Variants in HELB observed in about 807,000 individuals in gnomAD.
HELB encodes the protein DNA helicase B.
In HELB, 96 loss-of-function variants were observed where a neutral mutation model predicts 101.7. The ratio of observed to expected loss-of-function variants is 0.94; its 90% CI spans 0.80 to 1.12. HELB has a LOEUF of 1.12. Among genes scored for constraint, HELB ranks in the 50% most tolerant of loss-of-function variants. The pLI, the probability that HELB is intolerant of heterozygous loss-of-function variation, is 0.00. For missense variants in HELB, 1,210 were observed against 1,291.9 expected (o/e 0.94, Z 0.97); for synonymous variants, 437 against 459.7 (o/e 0.95, Z 0.63).
chr12:66,314,685 T>C (rs2053581747), intron 5 of HELB, among the ~76,000 whole-genome samples: 1 of 152,132 alleles, frequency 6.6e-6, no homozygotes, highest in South Asian at 2.1e-4. Context: ...TAAAAATTAT[T>C]ATTTTTTTAG....
Position 66,302,545 on chromosome 12 carries a change from C to A in HELB, c.-59C>A. The A allele has an allele frequency of 6.6e-7, 1 of 1,517,166 alleles. No homozygotes were observed. Among genetic ancestry groups the A allele is most frequent in the Non-Finnish European group, 9.1e-7 (1 of 1,099,712 alleles). The allele number at this position is 1,517,166 out of a possible 1,614,324, so 94.0% of individuals were successfully genotyped here. A position where few individuals can be genotyped will look rare whatever the true frequency, so the allele number is the denominator to read the frequency against. On this transcript the variant is annotated 5_prime_UTR_variant, in exon 1 of 13. Transcript: ENST00000247815. Reference sequence around the variant, plus strand: ...ACAGTCGTAGAACTGATTGGCTGATCATGACCATGCAGTTAGCCAGGGTTT... The same window carrying A: ...ACAGTCGTAGAACTGATTGGCTGATAATGACCATGCAGTTAGCCAGGGTTT...
chr12:66,325,881 T>C (rs1447215001), intron 11 of HELB, among the ~76,000 whole-genome samples: 2 of 151,564 alleles, frequency 1.3e-5, no homozygotes, highest in South Asian at 2.1e-4. Context: ...CCCCAACTTA[T>C]GTGGGAATAT....
Position 66,331,480 on chromosome 12 carries a change from C to A in HELB, c.2997C>A (p.Thr999=). The change falls in exon 12 of 13, where the codon ACC becomes ACA. Residue 999 remains threonine (T), a synonymous_variant. Coordinates refer to ENST00000247815, the MANE Select transcript of HELB (RefSeq NM_001370285.1). ...VTDHAMTNDV[T]WSEASSPDER... ...ACCACGCCATGACAAATGATGTCACCTGGAGCGAGGCCTCTTCGCCTGATG... is the reference window on the plus strand; with the variant it reads ...ACCACGCCATGACAAATGATGTCACATGGAGCGAGGCCTCTTCGCCTGATG... 1 of 1,614,200 alleles carries A rather than the reference C, an allele frequency of 6.2e-7. No homozygotes were observed. The highest frequency in any genetic ancestry group is 1.1e-5 in the South Asian group (1 of 91,080).
chr12:66,325,895 TAG>T (rs1206506693), intron 11 of HELB, among the ~76,000 whole-genome samples: 2 of 152,084 alleles, frequency 1.3e-5, no homozygotes, highest in African/African-American at 4.8e-5. Flanking sequence ...GGAATATTGT[TAG>T]GTTTACAGAA....
At chr12:66,316,890 G>A (rs2053612476) in intron 6 of HELB, among the ~76,000 whole-genome samples, 2 of 151,974 alleles carry the variant, frequency 1.3e-5, no homozygotes, top group African/African-American at 4.8e-5. Context: ...TTGGTGGCGG[G>A]CGCCTGTAGT....
At chr12:66,333,670 G>A (rs2053833988) in intron 12 of HELB, among the ~76,000 whole-genome samples, 1 of 152,074 alleles carries the variant, frequency 6.6e-6, no homozygotes, top group African/African-American at 2.4e-5. Flanking sequence ...GGCAACAAGA[G>A]CAAAACTCTA....
Position 66,304,716 on chromosome 12 carries a change from T to C in HELB, c.188-15T>C. 1 of 1,568,726 alleles carries C rather than the reference T, an allele frequency of 6.4e-7. No individual in the cohort carries two copies. The highest frequency in any genetic ancestry group is 1.4e-5 in the African/African-American group (1 of 71,772). On this transcript the variant is annotated splice_polypyrimidine_tract_variant and intron_variant, in intron 1 of 12. Coordinates refer to ENST00000247815, the MANE Select transcript of HELB (RefSeq NM_001370285.1). ...CAGAGTTAACTTTTGTGGGTTTTTGTTTGTTTTTTTTTAGTTTCTATTTGT... is the reference window on the plus strand; with the variant it reads ...CAGAGTTAACTTTTGTGGGTTTTTGCTTGTTTTTTTTTAGTTTCTATTTGT...
At position 66,318,653 on chromosome 12, in the gene HELB, A is replaced by G. The variant is rs202040036; in HGVS notation, c.2016A>G (p.Gln672=). Residue 672 remains glutamine, a synonymous_variant, in exon 7 of 13, where the codon CAA becomes CAG. Coordinates refer to ENST00000247815, the MANE Select transcript of HELB (RefSeq NM_001370285.1). ...TTTATTCAAGAATCTCAAGACGCCA[A>G]TTTCCAAAATTTGATGCAGAACTAA... The part of the protein sequence containing the change: ...VDNATRISRR[Q]FPKFDAELNI... The G allele has an allele frequency of 7.5e-6, 12 of 1,593,930 alleles. No individual in the cohort carries two copies. Among genetic ancestry groups the G allele is most frequent in the East Asian group, 6.7e-5 (3 of 44,526 alleles).
intron 4 of HELB, among the ~76,000 whole-genome samples, chr12:66,313,183 G>A (rs1372719192): frequency 7.0e-6 from 1 of 143,350 alleles, no homozygotes; most frequent in East Asian, 2.0e-4. Context: ...TTAATAGACA[G>A]TTGAATCTAG....
In HELB at chr12:66,304,734, C is replaced by T. The variant is rs746474668; in HGVS notation, c.191C>T (p.Ser64Phe). 3.8e-6 allele frequency: 6 copies of T among 1,577,124 alleles called. No individual in the cohort carries two copies. Among genetic ancestry groups the T allele is most frequent in the Admixed American group, 2.0e-5 (1 of 51,194 alleles). Residue 64 changes from serine to phenylalanine, a missense_variant, in exon 2 of 13, where the codon TCT becomes TTT. Around this residue, in one of 2 missense-constraint regions of HELB, gnomAD observed 470 missense variants for 563.1 expected, o/e 0.83. Coordinates refer to ENST00000247815, the MANE Select transcript of HELB (RefSeq NM_001370285.1). ...GTTTTTGTTTGTTTTTTTTTAGTTT[C>T]TATTTGTGATGAAAACACACAAGAG... ...AGSLPGCLRVSICDENTQETC... is the reference protein window; with the variant it reads ...AGSLPGCLRVFICDENTQETC...
At chr12:66,328,101 C>T (rs928651673) in intron 11 of HELB, among the ~76,000 whole-genome samples, 2 of 151,956 alleles carry the variant, frequency 1.3e-5, no homozygotes, top group Admixed American at 1.3e-4. Context: ...GGAAATGAGA[C>T]AGGAAAATTA....
chr12:66,329,151 A>C (rs1055446518), intron 11 of HELB, among the ~76,000 whole-genome samples: 2 of 152,212 alleles, frequency 1.3e-5, no homozygotes, highest in African/African-American at 4.8e-5. Context: ...AGCAATGAGG[A>C]AATTATTTAT....
At chr12:66,315,156 A>C in intron 5 of HELB, 86 bp from the exon 6 acceptor site, 1 of 998,166 alleles carries the variant, frequency 1.0e-6, no homozygotes, top group Non-Finnish European at 1.4e-6. Context: ...AAGGTATTTA[A>C]CTTTAAACTG....
chr12:66,332,507 C>G (rs1276329041), intron 12 of HELB, among the ~76,000 whole-genome samples: 1 of 152,202 alleles, frequency 6.6e-6, no homozygotes. Flanking sequence ...TGAATCCTCC[C>G]TTTGTCCAGT....
intron 12 of HELB, among the ~76,000 whole-genome samples, chr12:66,332,850 C>A: frequency 6.6e-6 from 1 of 152,234 alleles, no homozygotes; most frequent in South Asian, 2.1e-4. Context: ...GCATTTGAGA[C>A]CTTTCTCAAT....
At position 66,338,044 on chromosome 12, in the gene HELB, G is replaced by T. The variant is rs961388545; in HGVS notation, c.3206G>T (p.Arg1069Ile). 2 of 1,606,032 alleles carry T rather than the reference G, an allele frequency of 1.2e-6. No individual in the cohort carries two copies. Among genetic ancestry groups the T allele is most frequent in the African/African-American group, 2.7e-5 (2 of 74,744 alleles). Residue 1069 changes from arginine to isoleucine, a missense_variant, in exon 13 of 13, where the codon AGA (arginine) becomes ATA (isoleucine). By Grantham distance (97) the Arg-to-Ile change is moderately conservative. Coordinates refer to ENST00000247815, the MANE Select transcript of HELB (RefSeq NM_001370285.1). ...PQVSSRLQNLRLNNLIPRQLF... is the reference protein window; with the variant it reads ...PQVSSRLQNLILNNLIPRQLF... ...GTGTCTTCCAGACTTCAGAATTTGA[G>T]ACTGAATAATTTAATTCCCAGGCAA...
chr12:66,303,059 T>G (rs1592627350), intron 1 of HELB, among the ~76,000 whole-genome samples: 1 of 147,256 alleles, frequency 6.8e-6, no homozygotes. Flanking sequence ...GCTTCTACAG[T>G]GTGGAAGGGG....
chr12:66,334,867 A>G (rs1746290096), intron 12 of HELB, among the ~76,000 whole-genome samples: 1 of 152,170 alleles, frequency 6.6e-6, no homozygotes, highest in African/African-American at 2.4e-5. Flanking sequence ...GTGAAGGGGA[A>G]GTGAGGAGAC....
At chr12:66,332,801 C>T (rs1165506043) in intron 12 of HELB, among the ~76,000 whole-genome samples, 2 of 152,138 alleles carry the variant, frequency 1.3e-5, no homozygotes, top group East Asian at 3.8e-4. Context: ...TCAGAGACTC[C>T]CAGGTGCCTA....
Sources: allele counts gnomAD v4.1 joint callset (sites outside exome capture counted in the v4.1 genomes callset), GRCh38; gene constraint gnomAD v4.1.1; regional missense constraint gnomAD v4.1.1; transcripts MANE v1.5; gene names NCBI Gene and HGNC (gene_info 2026-07-23, HGNC 2026-07-21).